Variants in ACYP2 observed in about 807,000 individuals in gnomAD.
ACYP2 encodes acylphosphatase 2.
In ACYP2, 12 loss-of-function variants were observed where a neutral mutation model predicts 11.2. The ratio of observed to expected loss-of-function variants is 1.08; its 90% CI spans 0.69 to 1.74. The LOEUF is 1.74. Among genes scored for constraint, ACYP2 ranks in the 40% most tolerant of loss-of-function variants. ACYP2 has a pLI of 0.00. For missense variants in ACYP2, 134 were observed against 101.9 expected (o/e 1.31, Z -1.35); for synonymous variants, 43 against 32.2 (o/e 1.33, Z -1.13).
chr2:53,991,516 C>T (rs971507449), intron 2 of ACYP2, among the ~76,000 whole-genome samples: 1 of 151,858 alleles, frequency 6.6e-6, no homozygotes, highest in Non-Finnish European at 1.5e-5. Context: ...AGTGATTCTC[C>T]TGCTTCAGCC....
intron 4 of ACYP2, among the ~76,000 whole-genome samples, chr2:54,108,469 T>C (rs116270939): frequency 2.8e-3 from 434 of 152,310 alleles, no homozygotes; most frequent in African/African-American, 9.8e-3. Flanking sequence ...TAAGTGTGTG[T>C]GAACTAAGAA....
At chr2:54,105,878 T>G (rs1679131267) in intron 4 of ACYP2, among the ~76,000 whole-genome samples, 1 of 151,646 alleles carries the variant, frequency 6.6e-6, no homozygotes, top group African/African-American at 2.4e-5. Context: ...GTTGAATGAG[T>G]GAATGAAAGA....
At chr2:54,182,185 G>A (rs367886127) in intron 6 of ACYP2, among the ~76,000 whole-genome samples, 1 of 148,612 alleles carries the variant, frequency 6.7e-6, no homozygotes, top group Non-Finnish European at 1.5e-5. Flanking sequence ...TCAGCCTCCC[G>A]AGTAGCTGGG....
At chr2:54,043,362 C>T (rs975692531) in intron 2 of ACYP2, among the ~76,000 whole-genome samples, 3 of 152,274 alleles carry the variant, frequency 2.0e-5, no homozygotes, top group East Asian at 3.9e-4. Flanking sequence ...ATTACGGATG[C>T]ATTTTTGGTT....
At chr2:54,176,731 G>C (rs1240865568) in intron 6 of ACYP2, among the ~76,000 whole-genome samples, 1 of 152,116 alleles carries the variant, frequency 6.6e-6, no homozygotes, top group Non-Finnish European at 1.5e-5. Context: ...TGGAGTGTTA[G>C]CTGCTAATGG....
intron 6 of ACYP2, among the ~76,000 whole-genome samples, chr2:54,263,249 G>A (rs934944916): frequency 5.3e-5 from 8 of 152,076 alleles, no homozygotes; most frequent in Non-Finnish European, 8.8e-5. Flanking sequence ...GGAGAGAGAG[G>A]GAGGTGCCAC....
At chr2:54,039,894 T>TGCCCAGGCTGGAGTGTG (rs1675134446) in intron 2 of ACYP2, among the ~76,000 whole-genome samples, 1 of 145,680 alleles carries the variant, frequency 6.9e-6, no homozygotes, top group African/African-American at 2.5e-5. Context: ...CTTGCTCTGT[T>TGCCCAGGCTGGAGTGTG]GCCCAGGCTG....
chr2:54,036,865 G>C (rs1006211029), intron 2 of ACYP2, among the ~76,000 whole-genome samples: 17 of 152,140 alleles, frequency 1.1e-4, no homozygotes, highest in Admixed American at 3.9e-4. Flanking sequence ...ACACCCAACT[G>C]TGGTGCTCTG....
intron 6 of ACYP2, among the ~76,000 whole-genome samples, chr2:54,225,075 G>T (rs1685956656): frequency 6.6e-6 from 1 of 152,204 alleles, no homozygotes; most frequent in Non-Finnish European, 1.5e-5. Flanking sequence ...CCTTTAACTG[G>T]CCACAGTGAT....
chr2:54,201,733 A>G (rs1684842657), intron 6 of ACYP2, among the ~76,000 whole-genome samples: 1 of 139,890 alleles, frequency 7.1e-6, no homozygotes, highest in Non-Finnish European at 1.5e-5. Flanking sequence ...TTTTTTTGAG[A>G]CAGTCTTACT....
At chr2:54,051,359 C>A (rs1351435458) in intron 3 of ACYP2, 4 of 759,800 alleles carry the variant, frequency 5.3e-6, no homozygotes, top group Non-Finnish European at 7.3e-6. Context: ...AGGTGGAAGA[C>A]CATGTCTGCT....
At chr2:54,008,588 A>G (rs775198050) in intron 2 of ACYP2, among the ~76,000 whole-genome samples, 2 of 152,206 alleles carry the variant, frequency 1.3e-5, no homozygotes, top group Non-Finnish European at 2.9e-5. Context: ...TTCTTTGGCC[A>G]GGTTCAAGTG....
At chr2:54,302,289 G>A (rs1362506509) in intron 6 of ACYP2, among the ~76,000 whole-genome samples, 4 of 152,090 alleles carry the variant, frequency 2.6e-5, no homozygotes, top group Admixed American at 1.3e-4. Flanking sequence ...AGGTGACATC[G>A]ACGTTGCTAA....
chr2:54,053,718 T>G (rs933016663), intron 3 of ACYP2, among the ~76,000 whole-genome samples: 1 of 152,212 alleles, frequency 6.6e-6, no homozygotes, highest in Non-Finnish European at 1.5e-5. Context: ...TCCTCCAAGT[T>G]TGTCCTTTTT....
rs560179957 is a variant in ACYP2 at position 54,177,640 on chromosome 2, C to T, written c.404+38892C>T. 2.5e-4 allele frequency among the ~76,000 whole-genome samples: 38 copies of T among 149,606 alleles called. 1 individual carries two copies. Among genetic ancestry groups the T allele is most frequent in the African/African-American group, 7.2e-4 (29 of 40,020 alleles). ...TCACCCAGGCTGGAGTGTAGTGGCA[C>T]GATCTCGGCTCACTGCAACCTGTGC... On this transcript the variant is annotated intron_variant, in intron 6 of 6. Transcript: ENST00000607452.
At position 54,254,866 on chromosome 2, in the gene ACYP2, T is replaced by G. The variant is rs998412053; in HGVS notation, c.405-49822T>G. ...CCTAATGCTGTTGCCCAAGCTCAGG[T>G]CCAGCTGGTGGTGGCAGGCAACCTT... On this transcript the variant is annotated intron_variant, in intron 6 of 6. Transcript: ENST00000607452. 5.8e-6 allele frequency: 9 copies of G among 1,561,876 alleles called. 1 individual carries two copies. In the Admixed American group the frequency reaches 1.1e-4, roughly 20 times the overall value.
intron 2 of ACYP2, among the ~76,000 whole-genome samples, chr2:53,989,354 T>G (rs1672178309): frequency 6.8e-6 from 1 of 147,318 alleles, no homozygotes; most frequent in Non-Finnish European, 1.5e-5. Context: ...CCTTCCAAAG[T>G]GCTAGGATTA....
intron 2 of ACYP2, among the ~76,000 whole-genome samples, chr2:54,048,921 A>G (rs1558494134): frequency 6.6e-6 from 1 of 152,144 alleles, no homozygotes; most frequent in African/African-American, 2.4e-5. Flanking sequence ...AGCAGGGACA[A>G]GGACAGAGAT....
intron 2 of ACYP2, among the ~76,000 whole-genome samples, chr2:53,987,936 T>G (rs1672111349): frequency 6.6e-6 from 1 of 152,198 alleles, no homozygotes; most frequent in Admixed American, 6.6e-5. Context: ...TTTTGTCAGA[T>G]ATGTGGTTTG....
Sources: gnomAD v4.1 joint callset for allele counts (sites outside exome capture counted in the v4.1 genomes callset) on GRCh38, gnomAD v4.1.1 for gene constraint, MANE v1.5 for transcripts, NCBI Gene and HGNC (gene_info 2026-07-23, HGNC 2026-07-21) for gene names.